Variants in CASP9 observed in about 807,000 individuals in gnomAD.
CASP9 encodes caspase-9.
A neutral mutation model predicts 43.5 loss-of-function variants in CASP9; 29 were observed. That is an observed-to-expected ratio of 0.67 (90% CI 0.50 to 0.91). The LOEUF is 0.91. CASP9 is among the 40% of genes least tolerant of loss of function. The pLI is 0.00. For missense variants in CASP9, 575 were observed against 537.4 expected (o/e 1.07, Z -0.69); for synonymous variants, 206 against 211.9 (o/e 0.97, Z 0.24).
chr1:15,506,867 A>C, intron 4 of CASP9, 32 bp downstream of exon 4: 106 of 1,257,302 alleles, frequency 8.4e-5, no homozygotes, highest in Non-Finnish European at 1.1e-4. Flanking sequence ...ACTGCCCCCC[A>C]CCCTGTCTCC....
intron 5 of CASP9, 114 bp downstream of exon 5, chr1:15,505,876 C>A: frequency 1.1e-6 from 1 of 874,656 alleles, no homozygotes; most frequent in Admixed American, 1.9e-5. Flanking sequence ...CCCCACAGCC[C>A]TTTTCCACAA....
intron 2 of CASP9, among the ~76,000 whole-genome samples, chr1:15,512,391 G>A (rs1303086325): frequency 2.6e-5 from 4 of 152,174 alleles, no homozygotes; most frequent in African/African-American, 9.7e-5. Flanking sequence ...GGTGGGCCGC[G>A]TCCAATCCGT....
chr1:15,500,128 T>C (rs1217748805), intron 6 of CASP9, among the ~76,000 whole-genome samples: 2 of 150,870 alleles, frequency 1.3e-5, no homozygotes, highest in African/African-American at 4.9e-5. Flanking sequence ...GGTTAAAAAA[T>C]ATAAATATAT....
chr1:15,503,717 G>A (rs957214228), intron 6 of CASP9, among the ~76,000 whole-genome samples: 4 of 152,214 alleles, frequency 2.6e-5, no homozygotes, highest in Non-Finnish European at 4.4e-5. Context: ...ACAGCTGGAC[G>A]AGCTGGACAG....
chr1:15,492,944 TATG>T lies in CASP9; in HGVS notation c.1247_1249del (p.Ser416del). 1 of 1,613,750 alleles carries T rather than the reference TATG, an allele frequency of 6.2e-7. No homozygotes were observed. The highest frequency in any genetic ancestry group is 1.3e-5 in the African/African-American group (1 of 75,046). Reference sequence around the variant, plus strand: ...AAGGCAGGGTGAGGGGCCCTGGCCTTATGATGTTTTAAAGAAAAGTTTTTTCCG... The same window carrying T: ...AAGGCAGGGTGAGGGGCCCTGGCCTTATGTTTTAAAGAAAAGTTTTTTCCG... On this transcript the variant is annotated inframe_deletion, in exon 9 of 9. Coordinates refer to ENST00000333868, the MANE Select transcript of CASP9 (RefSeq NM_001229.5).
At chr1:15,519,663 T>C (rs925709438) in intron 1 of CASP9, among the ~76,000 whole-genome samples, 1 of 152,074 alleles carries the variant, frequency 6.6e-6, no homozygotes, top group African/African-American at 2.4e-5. Flanking sequence ...AGAGGGTCCA[T>C]AGGACATGGG....
chr1:15,520,218 C>T (rs1055905561), intron 1 of CASP9, among the ~76,000 whole-genome samples: 1 of 152,140 alleles, frequency 6.6e-6, no homozygotes, highest in Non-Finnish European at 1.5e-5. Flanking sequence ...TCTGTATTGT[C>T]CTATTTAGTA....
intron 2 of CASP9, among the ~76,000 whole-genome samples, chr1:15,511,025 A>G (rs1158806744): frequency 6.6e-6 from 1 of 152,192 alleles, no homozygotes; most frequent in African/African-American, 2.4e-5. Flanking sequence ...AACTGTCCTA[A>G]GATGGGGCCA....
rs1168185206 is a variant in CASP9, at chr1:15,523,971, T to A, written c.132+98A>T. The A allele has an allele frequency of 3.0e-5, 27 of 913,650 alleles. 1 individual carries two copies. Among genetic ancestry groups the A allele is most frequent in the African/African-American group, 5.3e-5 (3 of 56,234 alleles). The allele number at this position is 913,650 out of a possible 1,614,324, so 56.6% of individuals were successfully genotyped here. On this transcript the variant is annotated intron_variant, in intron 1 of 8. Coordinates refer to ENST00000333868, the MANE Select transcript of CASP9 (RefSeq NM_001229.5). ...GGGATTCTTTGGCTCCGCTGAGGGG[T>A]TTGAAGCCACAGGGAAGGCTAGGCT...
At chr1:15,511,402 C>T (rs1022640548) in intron 2 of CASP9, among the ~76,000 whole-genome samples, 1 of 125,200 alleles carries the variant, frequency 8.0e-6, no homozygotes, top group Non-Finnish European at 1.7e-5. Context: ...CACCACCACA[C>T]CTAATTTTTT....
At chr1:15,515,247 G>A (rs2042370) in intron 2 of CASP9, among the ~76,000 whole-genome samples, 89,193 of 152,030 alleles carry the variant, frequency 0.59, 26,826 homozygotes, top group African/African-American at 0.71. Flanking sequence ...TTTACAGGAT[G>A]GTAATGCACA....
intron 2 of CASP9, among the ~76,000 whole-genome samples, chr1:15,517,634 A>C (rs1369022759): frequency 6.6e-6 from 1 of 152,184 alleles, no homozygotes; most frequent in Non-Finnish European, 1.5e-5. Context: ...TCCATCAACA[A>C]GGATGGGTCT....
At chr1:15,524,245 G>A (rs968363309), upstream of CASP9, 34 of 1,523,892 alleles carry the variant, frequency 2.2e-5, no homozygotes, top group Non-Finnish European at 2.6e-5. Context: ...GTCCGCTTCC[G>A]GGCCTCGGCC....
At chr1:15,523,891 G>A (rs1710318341) in intron 1 of CASP9, among the ~76,000 whole-genome samples, 178 bp downstream of exon 1, 1 of 151,686 alleles carries the variant, frequency 6.6e-6, no homozygotes, top group South Asian at 2.1e-4. Flanking sequence ...AACAGTGTAC[G>A]CTGACTGAGT....
At chr1:15,521,429 G>A (rs1430347153) in intron 1 of CASP9, among the ~76,000 whole-genome samples, 1 of 152,128 alleles carries the variant, frequency 6.6e-6, no homozygotes, top group African/African-American at 2.4e-5. Context: ...CCATGGTCAC[G>A]CTCCTTGCCC....
At chr1:15,517,139 ACG>A (rs1267321632) in intron 2 of CASP9, among the ~76,000 whole-genome samples, 1 of 152,184 alleles carries the variant, frequency 6.6e-6, no homozygotes, top group Admixed American at 6.5e-5. Flanking sequence ...AGAGCTCCAC[ACG>A]CTGCCATGGG....
At chr1:15,511,972 C>A (rs760112103) in intron 2 of CASP9, among the ~76,000 whole-genome samples, 15 of 152,134 alleles carry the variant, frequency 9.9e-5, no homozygotes, top group Non-Finnish European at 1.8e-4. Context: ...CAATAGGAGG[C>A]CCCATGTGAA....
At chr1:15,499,501 C>T (rs1709241645) in intron 6 of CASP9, among the ~76,000 whole-genome samples, 1 of 152,136 alleles carries the variant, frequency 6.6e-6, no homozygotes, top group Non-Finnish European at 1.5e-5. Flanking sequence ...AAATAGACAC[C>T]AAGTCATGGA....
chr1:15,499,624 A>G (rs1709245002), intron 6 of CASP9, among the ~76,000 whole-genome samples: 1 of 152,242 alleles, frequency 6.6e-6, no homozygotes, highest in Non-Finnish European at 1.5e-5. Flanking sequence ...GTGTGAGCCA[A>G]AAATTAGATA....
Sources: allele counts gnomAD v4.1 joint callset (sites outside exome capture counted in the v4.1 genomes callset), GRCh38; gene constraint gnomAD v4.1.1; transcripts MANE v1.5; gene names NCBI Gene and HGNC (gene_info 2026-07-23, HGNC 2026-07-21).